EIF4E2: variants seen among roughly 807,000 people sequenced by gnomAD.
EIF4E2 encodes eukaryotic translation initiation factor 4E type 2.
Under a neutral mutation model 34.2 loss-of-function variants are expected in EIF4E2, and 13 were observed. The observed-to-expected ratio is 0.38, with a 90% confidence interval of 0.25 to 0.60. EIF4E2 has a LOEUF of 0.60. Ranked by LOEUF, EIF4E2 falls within the 20% of genes least tolerant of loss-of-function variation. EIF4E2 has a pLI of 0.62. For missense variants in EIF4E2, 222 were observed against 315.1 expected (o/e 0.70, Z 2.24); for synonymous variants, 100 against 106.6 (o/e 0.94, Z 0.38).
intron 1 of EIF4E2, 29 bp from the exon 2 acceptor site, chr2:232,556,387 G>A (rs773190006): frequency 6.3e-7 from 1 of 1,575,720 alleles, no homozygotes; most frequent in Non-Finnish European, 8.7e-7. Flanking sequence ...CTTCGTCACA[G>A]AATTGTATTG....
At chr2:232,563,278 A>G (rs915516362) in intron 3 of EIF4E2, among the ~76,000 whole-genome samples, 4 of 152,058 alleles carry the variant, frequency 2.6e-5, no homozygotes, top group African/African-American at 9.7e-5. Context: ...ACACTAGTGA[A>G]CCTGTAGTCC....
At chr2:232,570,828 C>G (rs893716274), downstream of EIF4E2, among the ~76,000 whole-genome samples, 1 of 152,038 alleles carries the variant, frequency 6.6e-6, no homozygotes, top group African/African-American at 2.4e-5. Flanking sequence ...CTCAGCTGCT[C>G]GGGGAGGCTG....
intron 3 of EIF4E2, among the ~76,000 whole-genome samples, chr2:232,561,542 GTCACTAGGAAATGGC>G: frequency 6.6e-6 from 1 of 152,164 alleles, no homozygotes; most frequent in East Asian, 1.9e-4. Context: ...TGTAATTCAG[GTCACTAGGAAATGGC>G]TCACAATATT....
chr2:232,580,770 C>A (rs1574681865), intron 6 of EIF4E2: 1 of 762,448 alleles, frequency 1.3e-6, no homozygotes, highest in African/African-American at 1.8e-5. Flanking sequence ...ATTAGATTGG[C>A]AAGTGAAGAA....
At chr2:232,578,573 G>A (rs1693273322) in intron 6 of EIF4E2, among the ~76,000 whole-genome samples, 1 of 151,714 alleles carries the variant, frequency 6.6e-6, no homozygotes, top group African/African-American at 2.4e-5. Context: ...GGAGGATGCA[G>A]TGAGCTGAGA....
intron 1 of EIF4E2, among the ~76,000 whole-genome samples, chr2:232,552,003 T>C (rs1393705940): frequency 2.0e-5 from 3 of 152,254 alleles, no homozygotes; most frequent in African/African-American, 7.2e-5. Flanking sequence ...TTGTAAACCC[T>C]GCAACAACTA....
exon 7 of EIF4E2, chr2:232,582,407 T>G (rs1693381547): frequency 6.6e-6 from 1 of 152,316 alleles, no homozygotes; most frequent in African/African-American, 2.4e-5. Context: ...GGATGCTTTT[T>G]TTCTGAAAGA....
At chr2:232,552,820 T>A (rs1692392894) in intron 1 of EIF4E2, among the ~76,000 whole-genome samples, 1 of 152,140 alleles carries the variant, frequency 6.6e-6, no homozygotes, top group African/African-American at 2.4e-5. Context: ...AAAAACAAGC[T>A]TTCTTTCATT....
At chr2:232,575,582 A>G (rs989100817) in intron 6 of EIF4E2, among the ~76,000 whole-genome samples, 2 of 152,170 alleles carry the variant, frequency 1.3e-5, no homozygotes, top group African/African-American at 4.8e-5. Flanking sequence ...GCAATATAGT[A>G]AGACCCTTGT....
rs1303624837 is a variant in EIF4E2 at position 232,567,508 on chromosome 2, A to G, written c.665+294A>G. 10 of 1,244,794 alleles carry G rather than the reference A, an allele frequency of 8.0e-6. No homozygotes were observed. In the African/African-American group the frequency reaches 9.3e-5, roughly 12 times the overall value. The allele number at this position is 1,244,794 out of a possible 1,614,324, so 77.1% of individuals were successfully genotyped here. On this transcript the variant is annotated intron_variant, in intron 6 of 6. Coordinates refer to ENST00000258416, the MANE Select transcript of EIF4E2 (RefSeq NM_004846.4). ...TCTTGTCTTTCATATGCTAACCACT[A>G]TCTTAAAATGAAAGACAAGTGCTTT... is the stretch of plus-strand genomic sequence containing the variant.
chr2:232,556,545 C>T lies in EIF4E2; in HGVS notation c.135+15C>T, dbSNP rs773064609. 2.6e-6 allele frequency: 4 copies of T among 1,568,524 alleles called. No homozygotes were observed. The highest frequency in any genetic ancestry group is 3.5e-6 in the Non-Finnish European group (4 of 1,146,476). ...GCAAGAGAAAGGTGAGTGTTGGCTG[C>T]ACAGATGTAGTTGCCTTTGAACTTG... On this transcript the variant is annotated intron_variant, in intron 2 of 6. Transcript: ENST00000258416.
chr2:232,564,624 G>C (rs1256194244), intron 4 of EIF4E2, among the ~76,000 whole-genome samples: 3 of 152,126 alleles, frequency 2.0e-5, no homozygotes, highest in African/African-American at 7.2e-5. Context: ...CTAATTTTTT[G>C]TGTTTTTTAG....
exon 7 of EIF4E2, chr2:232,583,258 G>C (rs1224645350): frequency 1.4e-5 from 2 of 148,084 alleles, no homozygotes; most frequent in African/African-American, 2.5e-5. Context: ...GTTGCCACTG[G>C]AGAGTGGAGA....
chr2:232,554,284 G>C (rs1692442418), intron 1 of EIF4E2, among the ~76,000 whole-genome samples: 1 of 152,186 alleles, frequency 6.6e-6, no homozygotes, highest in Non-Finnish European at 1.5e-5. Context: ...CTTGAGGAGA[G>C]ACCACATGAT....
Position 232,559,078 on chromosome 2 carries a change from C to T in EIF4E2, c.270+1060C>T, listed in dbSNP as rs1210070. On this transcript the variant is annotated intron_variant, in intron 3 of 6. Coordinates refer to ENST00000258416, the MANE Select transcript of EIF4E2 (RefSeq NM_004846.4). ...AGTCCTGTTTAAAATGCAGAAACTA[C>T]GGGGGAGCGGGGAGGGATAGCATTG... Among the ~76,000 whole-genome samples the T allele has an allele frequency of 4.7e-5, 7 of 147,780 alleles. 1 individual carries two copies. Among genetic ancestry groups the T allele is most frequent in the African/African-American group, 1.3e-4 (5 of 39,344 alleles).
intron 4 of EIF4E2, among the ~76,000 whole-genome samples, chr2:232,564,642 G>A (rs577619518): frequency 1.2e-4 from 18 of 152,270 alleles, no homozygotes; most frequent in Admixed American, 9.2e-4. Flanking sequence ...TAGTAGAGAC[G>A]GAGTTTCACC....
chr2:232,564,134 C>A, intron 3 of EIF4E2, 113 bp from the exon 4 acceptor site: 2 of 560,750 alleles, frequency 3.6e-6, no homozygotes, highest in South Asian at 3.5e-5. Context: ...AAAAGGACAG[C>A]CTGTAGTATA....
chr2:232,574,406 C>T, intron 6 of EIF4E2: 1 of 1,493,046 alleles, frequency 6.7e-7, no homozygotes, highest in Non-Finnish European at 9.1e-7. Flanking sequence ...ACCCCTCTTC[C>T]CATTTACCCC....
chr2:232,551,114 C>A, intron 1 of EIF4E2: 1 of 585,852 alleles, frequency 1.7e-6, no homozygotes, highest in East Asian at 4.0e-5. Context: ...GCCTCTGAAT[C>A]CAGCTTTCCC....
Sources: gnomAD v4.1 joint callset for allele counts (sites outside exome capture counted in the v4.1 genomes callset) on GRCh38, gnomAD v4.1.1 for gene constraint, MANE v1.5 for transcripts, NCBI Gene and HGNC (gene_info 2026-07-23, HGNC 2026-07-21) for gene names.